The following STK32B variants were observed in gnomAD, a reference collection of about 807,000 sequenced individuals.
STK32B encodes the protein serine/threonine kinase 32B, also known as serine/threonine-protein kinase 32B.
STK32B carries 43 observed loss-of-function variants against 52.6 expected under a neutral mutation model. The ratio of observed to expected loss-of-function variants is 0.82; its 90% CI spans 0.64 to 1.05. The LOEUF (loss-of-function observed/expected upper bound fraction) is 1.05. Among genes scored for constraint, STK32B ranks in the 50% least tolerant of loss-of-function variants. The probability of loss-of-function intolerance (pLI) is 0.00; values close to 1 mark genes in which losing one functional copy is unlikely to be tolerated. For synonymous variants in STK32B, 238 were observed against 204.3 expected (o/e 1.17, Z -1.41); for missense variants, 621 against 534.6 (o/e 1.16, Z -1.59).
intron 6 of STK32B, among the ~76,000 whole-genome samples, chr4:5,435,024 T>G (rs1344307281): frequency 1.3e-5 from 2 of 152,156 alleles, no homozygotes; most frequent in Non-Finnish European, 2.9e-5. Context: ...GGCCTCAGCT[T>G]CTTCATCCAT....
At chr4:5,392,129 A>G (rs1432024793) in intron 4 of STK32B, among the ~76,000 whole-genome samples, 1 of 152,234 alleles carries the variant, frequency 6.6e-6, no homozygotes, top group Non-Finnish European at 1.5e-5. Flanking sequence ...AATGTGAATA[A>G]CATAATTTTT....
At chr4:5,356,579 A>G (rs1734181825) in intron 4 of STK32B, among the ~76,000 whole-genome samples, 1 of 152,118 alleles carries the variant, frequency 6.6e-6, no homozygotes, top group Admixed American at 6.5e-5. Context: ...CCCCTTCACT[A>G]GGGCTTCCCT....
intron 8 of STK32B, 130 bp downstream of exon 8, chr4:5,457,053 C>G (rs1034270518): frequency 1.3e-5 from 8 of 603,610 alleles, no homozygotes; most frequent in Non-Finnish European, 2.2e-5. Context: ...CAGCTGCGCT[C>G]AAATGCCAAA....
At chr4:5,175,112 A>G (rs1301409453) in intron 3 of STK32B, among the ~76,000 whole-genome samples, 1 of 152,126 alleles carries the variant, frequency 6.6e-6, no homozygotes, top group South Asian at 2.1e-4. Flanking sequence ...AGGCTTGTGC[A>G]TTCGTCACGT....
chr4:5,321,619 C>G (rs1391139351), intron 3 of STK32B, among the ~76,000 whole-genome samples: 3 of 152,288 alleles, frequency 2.0e-5, no homozygotes, highest in Non-Finnish European at 2.9e-5. Context: ...TGTCCTTTGT[C>G]AGCCACTACA....
At chr4:5,426,658 C>G (rs183175) in intron 6 of STK32B, among the ~76,000 whole-genome samples, 39,843 of 138,062 alleles carry the variant, frequency 0.29, 6,092 homozygotes, top group Admixed American at 0.4. Context: ...TCACTGCACT[C>G]CAGCCTGTGC....
chr4:5,307,508 C>T (rs940187445), intron 3 of STK32B, among the ~76,000 whole-genome samples: 5 of 148,594 alleles, frequency 3.4e-5, no homozygotes, highest in African/African-American at 7.4e-5. Flanking sequence ...TTTATTTATG[C>T]TACCTATTTC....
chr4:5,450,259 A>C (rs1346630566), intron 7 of STK32B, among the ~76,000 whole-genome samples: 2 of 152,226 alleles, frequency 1.3e-5, no homozygotes, highest in Admixed American at 6.5e-5. Context: ...TTGGTGCCCC[A>C]GTCACCCTGG....
rs574574750 is a variant in STK32B at position 5,107,321 on chromosome 4, A to G, written c.53-32584A>G. 1.2e-3 allele frequency among the ~76,000 whole-genome samples: 190 copies of G among 152,294 alleles called. 1 individual carries two copies. The highest frequency in any genetic ancestry group is 4.0e-3 in the Admixed American group (61 of 15,294). ...GATCATTATGGTGAGTTGTATAATT[A>G]TTTCATTATATATTACAGTGTAATA... On this transcript the variant is annotated intron_variant, in intron 1 of 11. Coordinates refer to ENST00000282908, the MANE Select transcript of STK32B (RefSeq NM_018401.3).
chr4:5,411,944 T>C (rs1315993247), intron 5 of STK32B, among the ~76,000 whole-genome samples: 1 of 152,128 alleles, frequency 6.6e-6, no homozygotes, highest in East Asian at 1.9e-4. Flanking sequence ...GCGCAAAAAC[T>C]AGAGTAGAAA....
intron 7 of STK32B, among the ~76,000 whole-genome samples, chr4:5,448,935 A>G (rs569749736): frequency 1.3e-5 from 2 of 149,396 alleles, no homozygotes; most frequent in East Asian, 3.9e-4. Context: ...ATATTTATCC[A>G]TGGACTACGT....
intron 1 of STK32B, among the ~76,000 whole-genome samples, chr4:5,106,708 T>G (rs923378019): frequency 1.3e-5 from 2 of 152,246 alleles, no homozygotes; most frequent in Non-Finnish European, 2.9e-5. Context: ...TTTCATTGTC[T>G]CTTTTAATCT....
At position 5,058,728 on chromosome 4, in the gene STK32B, ATTTATTTATTT is replaced by A. The variant is rs1489249714; in HGVS notation, c.52+6826_52+6836del. On this transcript the variant is annotated intron_variant, in intron 1 of 11. Transcript: ENST00000282908. This position sits in a 1 kb window ranked among gnomAD's most constrained non-coding sequence, Gnocchi z 4.8. Reference sequence around the variant, plus strand: ...ACACACCACCATGCCCTGCTAGTTTATTTATTTATTTTTTATTTATTTTACTTATTTATTTT... The same window carrying A: ...ACACACCACCATGCCCTGCTAGTTTATTTATTTATTTTACTTATTTATTTT... Among the ~76,000 whole-genome samples, 1 of 151,570 alleles carries A rather than the reference ATTTATTTATTT, an allele frequency of 6.6e-6. No homozygotes were observed. The highest frequency in any genetic ancestry group is 1.5e-5 in the Non-Finnish European group (1 of 67,860).
chr4:5,044,064 G>C, the STK32B span, among the ~76,000 whole-genome samples: 1 of 152,050 alleles, frequency 6.6e-6, no homozygotes, highest in African/African-American at 2.4e-5. Context: ...AATCCTTCTA[G>C]GCATTTAATT....
chr4:5,474,690 C>A (rs545706583), intron 11 of STK32B, among the ~76,000 whole-genome samples: 1 of 152,308 alleles, frequency 6.6e-6, no homozygotes, highest in East Asian at 1.9e-4. Context: ...ATAGAAAAGG[C>A]AGTTAACAGT....
intron 2 of STK32B, among the ~76,000 whole-genome samples, chr4:5,159,562 A>AATATAT (rs1553840329): frequency 2.3e-4 from 12 of 51,590 alleles, no homozygotes; most frequent in South Asian, 5.1e-4. Flanking sequence ...AATATATATG[A>AATATAT]ATGAATATAT....
intron 2 of STK32B, among the ~76,000 whole-genome samples, chr4:5,156,551 C>T (rs1717865406): frequency 6.6e-6 from 1 of 152,182 alleles, no homozygotes. Flanking sequence ...AAGTGCTCCA[C>T]TTTGAGTTAA....
intron 11 of STK32B, among the ~76,000 whole-genome samples, chr4:5,495,830 C>CT (rs1447423747): frequency 1.3e-5 from 2 of 152,170 alleles, no homozygotes; most frequent in Non-Finnish European, 2.9e-5. Flanking sequence ...TTGGAGTTTG[C>CT]TAGAGGTCCA....
At chr4:5,477,839 G>T (rs1467419890) in intron 11 of STK32B, among the ~76,000 whole-genome samples, 2 of 152,142 alleles carry the variant, frequency 1.3e-5, no homozygotes, top group African/African-American at 2.4e-5. Context: ...CGTGTGCTGG[G>T]AACAGGGGCC....
Sources: gnomAD v4.1 joint callset for allele counts (sites outside exome capture counted in the v4.1 genomes callset) on GRCh38, gnomAD v4.1.1 for gene constraint, Gnocchi (gnomAD v3.1) non-coding constraint, MANE v1.5 for transcripts, NCBI Gene and HGNC (gene_info 2026-07-23, HGNC 2026-07-21) for gene names.